The following COL5A1 variants were observed in gnomAD, a reference collection of about 807,000 sequenced individuals.
COL5A1 encodes the protein collagen alpha-1(V) chain.
In COL5A1, 16 loss-of-function variants were observed where a neutral mutation model predicts 263.7. The ratio of observed to expected loss-of-function variants is 0.06; its 90% CI spans 0.04 to 0.09. COL5A1 has a LOEUF of 0.09. Ranked by LOEUF, COL5A1 falls within the 10% of genes least tolerant of loss-of-function variation. The probability of loss-of-function intolerance (pLI) is 1.00; values close to 1 mark genes in which losing one functional copy is unlikely to be tolerated. For synonymous variants in COL5A1, 1,012 were observed against 1,004.5 expected (o/e 1.01, Z -0.14); for missense variants, 2,036 against 2,540.5 (o/e 0.80, Z 4.27).
chr9:134,691,516 G>A (rs77148456), intron 2 of COL5A1: 3,035 of 202,850 alleles, frequency 0.015, 47 homozygotes, highest in South Asian at 0.067. Context: ...ATCAAACGTC[G>A]TGACTCCTAG....
intron 52 of COL5A1, 39 bp downstream of exon 52, chr9:134,816,027 T>TTC: frequency 6.2e-7 from 1 of 1,603,688 alleles, no homozygotes; most frequent in South Asian, 1.1e-5. Context: ...GGTGGAGGTG[T>TTC]CAGTGTATTC....
At position 134,809,338 on chromosome 9, in the gene COL5A1, G is replaced by A. The variant is rs79433650; in HGVS notation, c.3474+48G>A. 4.2e-3 allele frequency: 5,978 copies of A among 1,411,524 alleles called. 295 individuals carry two copies. The East Asian group carries it at 0.11, about 25-fold the overall frequency. The allele number at this position is 1,411,524 out of a possible 1,614,324, so 87.4% of individuals were successfully genotyped here. On this transcript the variant is annotated intron_variant, in intron 43 of 65. Coordinates refer to ENST00000371817, the MANE Select transcript of COL5A1 (RefSeq NM_000093.5). ...CATGGCTGGGCCTGGCTGGGCAGAC[G>A]GGTGTGGGGGAGGGTGGTGAATTTA...
In COL5A1 at chr9:134,806,197, A is replaced by G; in HGVS notation, c.3267A>G (p.Pro1089=). 1.3e-6 allele frequency: 2 copies of G among 1,550,396 alleles called. No individual in the cohort carries two copies. The highest frequency in any genetic ancestry group is 1.7e-6 in the Non-Finnish European group (2 of 1,146,462). Residue 1089 remains proline, a synonymous_variant, in exon 42 of 66, where the codon CCA becomes CCG. Coordinates refer to ENST00000371817, the MANE Select transcript of COL5A1 (RefSeq NM_000093.5). ...PPGPPGPAGS[P]GERGPAGAAG... is the part of the protein sequence containing the mutation. The stretch of plus-strand genomic sequence containing the variant: ...TTCTTGCTCCACCTCAGGGATCTCC[A>G]GGGGAGAGAGGTCCAGCTGGAGCCG...
At chr9:134,761,468 G>C (rs544638945) in intron 18 of COL5A1, among the ~76,000 whole-genome samples, 1 of 152,230 alleles carries the variant, frequency 6.6e-6, no homozygotes, top group East Asian at 1.9e-4. Context: ...AGCCATGAAG[G>C]CTGTCCCTGA....
At position 134,795,454 on chromosome 9, in the gene COL5A1, A is replaced by G. The variant is rs542981610; in HGVS notation, c.2799+139A>G. The G allele has an allele frequency of 2.4e-5, 18 of 739,704 alleles. No homozygotes were observed. The East Asian group carries it at 4.8e-4, about 20-fold the overall frequency. The allele number at this position is 739,704 out of a possible 1,614,324, so 45.8% of individuals were successfully genotyped here. ...GCAGGACATTTTCTTAGGTGTGTTT[A>G]AGAAGCTTGTCCCCTCCAGCAGCCT... On this transcript the variant is annotated intron_variant, in intron 34 of 65. Coordinates refer to ENST00000371817, the MANE Select transcript of COL5A1 (RefSeq NM_000093.5).
At chr9:134,786,454 C>T (rs1252385738) in intron 31 of COL5A1, among the ~76,000 whole-genome samples, 3 of 152,184 alleles carry the variant, frequency 2.0e-5, no homozygotes, top group Non-Finnish European at 4.4e-5. Context: ...ACCTGGGGTC[C>T]TTCTGGGATC....
chr9:134,740,551 T>C (rs956875322), intron 11 of COL5A1, among the ~76,000 whole-genome samples: 3 of 152,242 alleles, frequency 2.0e-5, no homozygotes, highest in African/African-American at 7.2e-5. Flanking sequence ...ACCCAGATGC[T>C]GACTGACACT....
chr9:134,718,007 T>TG (rs1181510055), intron 4 of COL5A1, among the ~76,000 whole-genome samples: 6 of 146,278 alleles, frequency 4.1e-5, no homozygotes, highest in Non-Finnish European at 7.6e-5. Flanking sequence ...CAGCCTGGGC[T>TG]GGGGGGCCGC....
chr9:134,753,759 T>TCCCCCCTCCCC, intron 14 of COL5A1, 91 bp from the exon 15 acceptor site: 1 of 540,646 alleles, frequency 1.8e-6, no homozygotes, highest in Admixed American at 2.1e-5. Context: ...CCCTGTCCCC[T>TCCCCCCTCCCC]CCCCCTGCCC....
intron 8 of COL5A1, 123 bp from the exon 9 acceptor site, chr9:134,731,948 G>A (rs1407723883): frequency 8.7e-7 from 1 of 1,151,762 alleles, no homozygotes; most frequent in Non-Finnish European, 1.3e-6. Context: ...CCTGGGCCTG[G>A]GGAGATGCCC....
rs985617195 is a variant in COL5A1, at chr9:134,843,499, C to G, written c.*1196C>G. Reference sequence around the variant, plus strand: ...CCTCCACAGTCTGTTGCCAAGGACTCTAAGATCAATGCACGTCACTTTCCT... The same window carrying G: ...CCTCCACAGTCTGTTGCCAAGGACTGTAAGATCAATGCACGTCACTTTCCT... On this transcript the variant is annotated 3_prime_UTR_variant, in exon 66 of 66. Coordinates refer to ENST00000371817, the MANE Select transcript of COL5A1 (RefSeq NM_000093.5). 1.3e-5 allele frequency: 2 copies of G among 152,728 alleles called. No homozygotes were observed. The highest frequency in any genetic ancestry group is 2.9e-5 in the Non-Finnish European group (2 of 68,110). The allele number at this position is 152,728 out of a possible 1,614,324, so 9.5% of individuals were successfully genotyped here.
intron 11 of COL5A1, among the ~76,000 whole-genome samples, chr9:134,746,180 G>A (rs1024354369): frequency 6.6e-6 from 1 of 152,204 alleles, no homozygotes; most frequent in Non-Finnish European, 1.5e-5. Context: ...AGCAGGAAGT[G>A]ACCACTGAGA....
At position 134,735,646 on chromosome 9, in the gene COL5A1, C is replaced by T. The variant is rs368914969; in HGVS notation, c.1390-2828C>T. On this transcript the variant is annotated intron_variant, in intron 9 of 65. Coordinates refer to ENST00000371817, the MANE Select transcript of COL5A1 (RefSeq NM_000093.5). The stretch of plus-strand genomic sequence containing the variant: ...CGTTGCCCCAGTTCCCTGAGAAAAG[C>T]AATTTGCGTGTCTGGGAAGGCAGCT... Among the ~76,000 whole-genome samples, 183 of 152,346 alleles carry T rather than the reference C, an allele frequency of 1.2e-3. 1 individual carries two copies. In the Middle Eastern group the frequency reaches 0.024, roughly 20 times the overall value.
chr9:134,693,043 A>G (rs1375003538), intron 2 of COL5A1, among the ~76,000 whole-genome samples: 2 of 152,184 alleles, frequency 1.3e-5, no homozygotes, highest in Non-Finnish European at 2.9e-5. Context: ...ACTGCACTCC[A>G]GCCTGGGTGA....
chr9:134,769,385 A>T (rs1836793947), intron 25 of COL5A1, among the ~76,000 whole-genome samples: 2 of 152,350 alleles, frequency 1.3e-5, no homozygotes, highest in African/African-American at 4.8e-5. Flanking sequence ...TCACCTGGCC[A>T]CATGGGAGTT....
At position 134,682,258 on chromosome 9, in the gene COL5A1, G is replaced by C. The variant is rs539503858; in HGVS notation, c.110-8654G>C. ...TATTCGGCTGGGTGCCAGGGACCCA[G>C]CCTAGTGCCTCGCCTTCCCCCAGCC... On this transcript the variant is annotated intron_variant, in intron 1 of 65. Transcript: ENST00000371817. This position sits in a 1 kb window ranked among gnomAD's most constrained non-coding sequence, Gnocchi z 5.1. Among the ~76,000 whole-genome samples the C allele has an allele frequency of 6.6e-6, 1 of 152,322 alleles. No homozygotes were observed. The highest frequency in any genetic ancestry group is 6.5e-5 in the Admixed American group (1 of 15,308).
chr9:134,687,531 C>T (rs762520626), intron 1 of COL5A1, among the ~76,000 whole-genome samples: 16 of 152,168 alleles, frequency 1.1e-4, no homozygotes, highest in South Asian at 2.1e-4. Flanking sequence ...ATAGGTGATC[C>T]GGTCATGGCG....
chr9:134,790,831 G>A (rs1329918235), intron 32 of COL5A1, among the ~76,000 whole-genome samples: 1 of 151,942 alleles, frequency 6.6e-6, no homozygotes, highest in Non-Finnish European at 1.5e-5. Context: ...GTACCCCGGT[G>A]GGCTGCTCCT....
chr9:134,775,028 T>C, intron 27 of COL5A1, 116 bp downstream of exon 27: 1 of 976,690 alleles, frequency 1.0e-6, no homozygotes, highest in Admixed American at 2.0e-5. Flanking sequence ...CTATTCAGTC[T>C]GGAGTAGCCC....
Sources: gnomAD v4.1 joint callset for allele counts (sites outside exome capture counted in the v4.1 genomes callset) on GRCh38, gnomAD v4.1.1 for gene constraint, Gnocchi (gnomAD v3.1) non-coding constraint, MANE v1.5 for transcripts, NCBI Gene and HGNC (gene_info 2026-07-23, HGNC 2026-07-21) for gene names.